GNAZ: variants seen among roughly 807,000 people sequenced by gnomAD.
GNAZ encodes guanine nucleotide-binding protein G(z) subunit alpha.
Under a neutral mutation model 25.4 loss-of-function variants are expected in GNAZ, and 3 were observed. The observed-to-expected ratio is 0.12, with a 90% confidence interval of 0.05 to 0.30. GNAZ has a LOEUF of 0.30. GNAZ is among the 10% of genes least tolerant of loss of function. GNAZ has a pLI of 1.00. For missense variants in GNAZ, 241 were observed against 501.8 expected (o/e 0.48, Z 4.97); for synonymous variants, 211 against 205.7 (o/e 1.03, Z -0.22).
chr22:23,099,719 T>G (rs947735171), intron 2 of GNAZ, among the ~76,000 whole-genome samples: 7 of 152,216 alleles, frequency 4.6e-5, no homozygotes, highest in Non-Finnish European at 8.8e-5. Flanking sequence ...CTTTAGTACA[T>G]TCACACAAGG....
Position 23,096,028 on chromosome 22 carries a change from G to A in GNAZ, c.333G>A (p.Thr111=), listed in dbSNP as rs750445330. ...ACGCTGTGCAGCTCTTTGCGCTGACGGGCCCCGCTGAGAGCAAGGGCGAGA... is the reference window on the plus strand; with the variant it reads ...ACGCTGTGCAGCTCTTTGCGCTGACAGGCCCCGCTGAGAGCAAGGGCGAGA... ...AYDAVQLFAL[T]GPAESKGEIT... is the part of the protein sequence containing the mutation. Residue 111 remains threonine, a synonymous_variant, in exon 2 of 3, where the codon ACG becomes ACA. Transcript: ENST00000615612. The A allele has an allele frequency of 3.7e-5, 59 of 1,606,748 alleles. No individual in the cohort carries two copies. The highest frequency in any genetic ancestry group is 8.3e-5 in the Admixed American group (5 of 59,996).
In GNAZ at chr22:23,123,439, G is replaced by C; in HGVS notation, c.*8G>C. ...TACATTGGCCTTTGCTGAGGAGCTGGGCCCGGGGCCCGCCTGCCTATGGTG... is the reference window on the plus strand; with the variant it reads ...TACATTGGCCTTTGCTGAGGAGCTGCGCCCGGGGCCCGCCTGCCTATGGTG... On this transcript the variant is annotated 3_prime_UTR_variant, in exon 3 of 3. Coordinates refer to ENST00000615612, the MANE Select transcript of GNAZ (RefSeq NM_002073.4). The C allele has an allele frequency of 6.3e-7, 1 of 1,578,770 alleles. No individual in the cohort carries two copies. Among genetic ancestry groups the C allele is most frequent in the Admixed American group, 1.7e-5 (1 of 57,634 alleles).
chr22:23,116,396 G>A (rs1243365871), intron 2 of GNAZ, among the ~76,000 whole-genome samples: 1 of 152,244 alleles, frequency 6.6e-6, no homozygotes, highest in African/African-American at 2.4e-5. Flanking sequence ...CTGTGACAGG[G>A]CACCTGAGGA....
intron 2 of GNAZ, among the ~76,000 whole-genome samples, chr22:23,109,723 T>C (rs1601818456): frequency 6.6e-6 from 1 of 152,062 alleles, no homozygotes; most frequent in Non-Finnish European, 1.5e-5. Context: ...GGCAGCAGGG[T>C]TCAGTGTTAA....
At chr22:23,109,214 T>C (rs1426264985) in intron 2 of GNAZ, among the ~76,000 whole-genome samples, 1 of 152,032 alleles carries the variant, frequency 6.6e-6, no homozygotes, top group East Asian at 1.9e-4. Flanking sequence ...TGGGGTAAGG[T>C]AGAGTTCAAG....
Position 23,095,632 on chromosome 22 carries a change from CCT to C in GNAZ, c.-63_-62del. ...TCTTGTCTGCCTGGTCTCAGTGTCC[CCT>C]GTGGCAAGAGGGAGAGGTGCCCCAT... On this transcript the variant is annotated 5_prime_UTR_variant, in exon 2 of 3. Coordinates refer to ENST00000615612, the MANE Select transcript of GNAZ (RefSeq NM_002073.4). The C allele has an allele frequency of 6.5e-7, 1 of 1,533,390 alleles. No individual in the cohort carries two copies. The highest frequency in any genetic ancestry group is 1.3e-5 in the South Asian group (1 of 76,682). The allele number at this position is 1,533,390 out of a possible 1,614,324, so 95.0% of individuals were successfully genotyped here.
chr22:23,087,488 G>A (rs1421843091), intron 1 of GNAZ, among the ~76,000 whole-genome samples: 1 of 152,106 alleles, frequency 6.6e-6, no homozygotes, highest in Admixed American at 6.6e-5. Flanking sequence ...CCGCCCAAGG[G>A]GTTCACCTTG....
At chr22:23,111,717 C>G (rs544747727) in intron 2 of GNAZ, among the ~76,000 whole-genome samples, 1 of 152,244 alleles carries the variant, frequency 6.6e-6, no homozygotes, top group Non-Finnish European at 1.5e-5. Flanking sequence ...ACAAGACAGC[C>G]AGTACCTCCC....
intron 2 of GNAZ, among the ~76,000 whole-genome samples, chr22:23,119,928 TG>T (rs2069963427): frequency 6.6e-6 from 1 of 152,290 alleles, no homozygotes; most frequent in Admixed American, 6.5e-5. Flanking sequence ...TCCCATGGTT[TG>T]TCTCAAGGAA....
At chr22:23,094,294 T>C (rs1291754234) in intron 1 of GNAZ, among the ~76,000 whole-genome samples, 4 of 152,108 alleles carry the variant, frequency 2.6e-5, no homozygotes, top group Non-Finnish European at 5.9e-5. Flanking sequence ...AAGCCTGAGC[T>C]TTGAGCTGCC....
chr22:23,085,033 G>A (rs1048939477), intron 1 of GNAZ, among the ~76,000 whole-genome samples: 1 of 152,176 alleles, frequency 6.6e-6, no homozygotes, highest in African/African-American at 2.4e-5. Context: ...ACTAGGTGGG[G>A]AGCCTCATCT....
intron 1 of GNAZ, among the ~76,000 whole-genome samples, chr22:23,079,716 C>T (rs1419668673): frequency 6.6e-6 from 1 of 152,184 alleles, no homozygotes; most frequent in Non-Finnish European, 1.5e-5. Flanking sequence ...AGATGAGAGG[C>T]TGGGGCTGGC....
intron 2 of GNAZ, among the ~76,000 whole-genome samples, chr22:23,113,213 A>G (rs747583195): frequency 2.0e-5 from 3 of 152,190 alleles, no homozygotes; most frequent in Non-Finnish European, 4.4e-5. Flanking sequence ...CTGCATCTTT[A>G]CAACAGCTGG....
chr22:23,120,744 C>A (rs1016844371), intron 2 of GNAZ, among the ~76,000 whole-genome samples: 1 of 152,100 alleles, frequency 6.6e-6, no homozygotes, highest in Non-Finnish European at 1.5e-5. Flanking sequence ...CCCCCTACCC[C>A]AAAAGGACCC....
rs542761639 is a variant in GNAZ at position 23,073,696 on chromosome 22, C to T, written c.-450+3126C>T. 9.2e-5 allele frequency among the ~76,000 whole-genome samples: 14 copies of T among 152,348 alleles called. No individual in the cohort carries two copies. In the Middle Eastern group the frequency reaches 0.017, roughly 185 times the overall value. ...TAGAGCACATAGGAGGAGACATCAG[C>T]CCTCTGGACTGAGCCGGAGGAGCAG... On this transcript the variant is annotated intron_variant, in intron 1 of 2. Transcript: ENST00000615612.
intron 1 of GNAZ, among the ~76,000 whole-genome samples, chr22:23,090,987 C>A (rs924973376): frequency 6.6e-6 from 1 of 152,196 alleles, no homozygotes; most frequent in African/African-American, 2.4e-5. Flanking sequence ...CCTTCTGCCC[C>A]AGTCGCCTCA....
chr22:23,096,909 C>T (rs9624025), intron 2 of GNAZ, among the ~76,000 whole-genome samples: 6,512 of 152,298 alleles, frequency 0.043, 494 homozygotes, highest in African/African-American at 0.15. Flanking sequence ...GTGGCATGGG[C>T]GCAGCCCGAG....
chr22:23,117,546 C>G (rs2069884032), intron 2 of GNAZ, among the ~76,000 whole-genome samples: 1 of 152,340 alleles, frequency 6.6e-6, no homozygotes. Flanking sequence ...AGCAGGTCTT[C>G]CGATGAGACC....
rs368454835 is a variant in GNAZ, at chr22:23,081,666, AC to A, written c.-450+11097del. Among the ~76,000 whole-genome samples, 648 of 152,204 alleles carry A rather than the reference AC, an allele frequency of 4.3e-3. 5 individuals carry two copies. Among genetic ancestry groups the A allele is most frequent in the African/African-American group, 0.015 (620 of 41,510 alleles). ...GCAAAACCCTGTCTCTACTAAAAAT[AC>A]AAAAATTAGCCAGCCATGGTGGTGG... is the stretch of plus-strand genomic sequence containing the variant. On this transcript the variant is annotated intron_variant, in intron 1 of 2. Coordinates refer to ENST00000615612, the MANE Select transcript of GNAZ (RefSeq NM_002073.4).
Sources: allele counts gnomAD v4.1 joint callset (sites outside exome capture counted in the v4.1 genomes callset), GRCh38; gene constraint gnomAD v4.1.1; transcripts MANE v1.5; gene names NCBI Gene and HGNC (gene_info 2026-07-23, HGNC 2026-07-21).